The following MSI2 variants were observed in gnomAD, a reference collection of about 807,000 sequenced individuals.
MSI2 encodes musashi RNA binding protein 2, also known as RNA-binding protein Musashi homolog 2.
In MSI2, 17 loss-of-function variants were observed where a neutral mutation model predicts 45.6. That is an observed-to-expected ratio of 0.37 (90% confidence interval 0.26 to 0.56). MSI2 has a LOEUF of 0.56. MSI2 is among the 20% of genes least tolerant of loss of function. MSI2 has a pLI of 0.77. For missense variants in MSI2, 293 were observed against 444.2 expected (o/e 0.66, Z 3.06); for synonymous variants, 156 against 158.2 (o/e 0.99, Z 0.11).
intron 6 of MSI2, among the ~76,000 whole-genome samples, chr17:57,456,063 G>GA (rs2085108310): frequency 6.6e-6 from 1 of 152,236 alleles, no homozygotes; most frequent in African/African-American, 2.4e-5. Flanking sequence ...TCACCTAAAG[G>GA]AGATGCTACC....
chr17:57,398,238 T>C (rs569951423), intron 5 of MSI2, among the ~76,000 whole-genome samples: 1 of 152,346 alleles, frequency 6.6e-6, no homozygotes, highest in East Asian at 1.9e-4. Flanking sequence ...ACGTTTGGAA[T>C]ATAGACAGGG....
intron 5 of MSI2, chr17:57,262,472 A>G (rs1907407809): frequency 8.0e-6 from 3 of 374,452 alleles, no homozygotes; most frequent in South Asian, 7.6e-5. Context: ...CAAGGATTCT[A>G]TTTGTTTTTT....
At chr17:57,286,445 C>T (rs778152098) in intron 5 of MSI2, among the ~76,000 whole-genome samples, 148 of 152,170 alleles carry the variant, frequency 9.7e-4, no homozygotes, top group Non-Finnish European at 1.6e-3. Context: ...AATTGCTCAT[C>T]ATCGAGTCCT....
At chr17:57,548,810 T>G (rs1438358937) in intron 7 of MSI2, among the ~76,000 whole-genome samples, 1 of 151,776 alleles carries the variant, frequency 6.6e-6, no homozygotes, top group Non-Finnish European at 1.5e-5. Flanking sequence ...AGGGAAGAAG[T>G]GCTTTTTAAT....
intron 6 of MSI2, among the ~76,000 whole-genome samples, chr17:57,516,045 A>G (rs779797879): frequency 6.6e-6 from 1 of 152,210 alleles, no homozygotes; most frequent in Non-Finnish European, 1.5e-5. Context: ...CCAGGAAACC[A>G]GTGTTGGTAC....
intron 6 of MSI2, among the ~76,000 whole-genome samples, chr17:57,498,621 TCC>T (rs2086028788): frequency 6.6e-6 from 1 of 152,222 alleles, no homozygotes; most frequent in African/African-American, 2.4e-5. Flanking sequence ...AGTGGCTTCT[TCC>T]TGTGCCGCGC....
chr17:57,557,948 C>A (rs1000677614), intron 7 of MSI2, among the ~76,000 whole-genome samples: 1 of 152,152 alleles, frequency 6.6e-6, no homozygotes, highest in Non-Finnish European at 1.5e-5. Flanking sequence ...TGAGGACCTC[C>A]GGGGCTGCAG....
intron 5 of MSI2, among the ~76,000 whole-genome samples, chr17:57,390,877 C>A (rs1276930984): frequency 6.6e-6 from 1 of 152,140 alleles, no homozygotes; most frequent in African/African-American, 2.4e-5. Flanking sequence ...CTCGGCCATT[C>A]CTTCTAACAT....
chr17:57,404,335 C>T (rs1239519061), intron 6 of MSI2, among the ~76,000 whole-genome samples: 2 of 152,140 alleles, frequency 1.3e-5, no homozygotes, highest in Admixed American at 6.5e-5. Context: ...GATGGACTGA[C>T]GATGGGCAAG....
intron 7 of MSI2, among the ~76,000 whole-genome samples, chr17:57,553,785 T>A (rs2087363062): frequency 6.6e-6 from 1 of 152,152 alleles, no homozygotes; most frequent in Non-Finnish European, 1.5e-5. Context: ...AGCAGTGTGG[T>A]CAGAGAGGCG....
At chr17:57,390,212 G>A (rs569941207) in intron 5 of MSI2, among the ~76,000 whole-genome samples, 9 of 152,348 alleles carry the variant, frequency 5.9e-5, no homozygotes, top group South Asian at 2.1e-4. Flanking sequence ...CTATAGTCAT[G>A]CCACTGGCCT....
chr17:57,284,244 G>A (rs1198504195), intron 5 of MSI2, among the ~76,000 whole-genome samples: 1 of 152,052 alleles, frequency 6.6e-6, no homozygotes, highest in Non-Finnish European at 1.5e-5. Context: ...TCCTGGTGAC[G>A]CCTGGCTGCA....
intron 6 of MSI2, among the ~76,000 whole-genome samples, chr17:57,507,058 G>A (rs1430166498): frequency 6.6e-6 from 1 of 151,894 alleles, no homozygotes; most frequent in African/African-American, 2.4e-5. Flanking sequence ...AATCCATAAT[G>A]TATTTGGTAT....
intron 5 of MSI2, among the ~76,000 whole-genome samples, chr17:57,381,490 T>G (rs527562858): frequency 6.6e-6 from 1 of 152,178 alleles, no homozygotes; most frequent in Non-Finnish European, 1.5e-5. Flanking sequence ...TGCTGGTTCT[T>G]TTAGAACCTG....
intron 7 of MSI2, among the ~76,000 whole-genome samples, chr17:57,581,215 G>A (rs1026918103): frequency 6.6e-6 from 1 of 151,956 alleles, no homozygotes; most frequent in Non-Finnish European, 1.5e-5. Context: ...GTTTCACCAT[G>A]TTGGCCAGGC....
intron 5 of MSI2, among the ~76,000 whole-genome samples, chr17:57,379,684 G>A (rs1439406062): frequency 3.3e-5 from 5 of 152,224 alleles, no homozygotes; most frequent in East Asian, 1.9e-4. Flanking sequence ...GCAGGCTGGC[G>A]ATAAGGGGCC....
chr17:57,290,524 G>A (rs1237613150), intron 5 of MSI2, among the ~76,000 whole-genome samples: 4 of 152,164 alleles, frequency 2.6e-5, no homozygotes, highest in Non-Finnish European at 5.9e-5. Flanking sequence ...TTGCCCAGGT[G>A]GGGGTCTCTA....
At chr17:57,662,681 A>G (rs1043010496) in intron 11 of MSI2, among the ~76,000 whole-genome samples, 3 of 152,210 alleles carry the variant, frequency 2.0e-5, no homozygotes, top group Non-Finnish European at 4.4e-5. Context: ...GACACTCAAG[A>G]AAAAACCACA....
At chr17:57,318,049 C>G (rs1357461253) in intron 5 of MSI2, among the ~76,000 whole-genome samples, 1 of 151,994 alleles carries the variant, frequency 6.6e-6, no homozygotes, top group East Asian at 1.9e-4. Context: ...CTCGGGAGGC[C>G]GAGGCAGGAG....
Sources: allele counts gnomAD v4.1 joint callset (sites outside exome capture counted in the v4.1 genomes callset), GRCh38; gene constraint gnomAD v4.1.1; transcripts MANE v1.5; gene names NCBI Gene and HGNC (gene_info 2026-07-23, HGNC 2026-07-21).